PTPRZ1: variants seen among roughly 807,000 people sequenced by gnomAD.
PTPRZ1 encodes receptor-type tyrosine-protein phosphatase zeta.
A neutral mutation model predicts 214.1 loss-of-function variants in PTPRZ1; 82 were observed. The ratio of observed to expected loss-of-function variants is 0.38; its 90% confidence interval spans 0.32 to 0.46. The LOEUF is 0.46. Among genes scored for constraint, PTPRZ1 ranks in the 20% least tolerant of loss-of-function variants. The pLI is 1.00. For synonymous variants in PTPRZ1, 945 were observed against 987.9 expected, an observed-to-expected ratio of 0.96 and a Z score of 0.81; for missense variants, 2,603 against 2,748.7, an observed-to-expected ratio of 0.95 and a Z score of 1.19.
intron 13 of PTPRZ1, among the ~76,000 whole-genome samples, chr7:122,022,913 C>A (rs977311572): frequency 6.6e-6 from 1 of 152,144 alleles, no homozygotes; most frequent in African/African-American, 2.4e-5. Flanking sequence ...ACCCAGAAAT[C>A]TTATGTTTAC....
Position 122,013,286 on chromosome 7 carries a change from G to A in PTPRZ1, c.4240G>A (p.Gly1414Ser), listed in dbSNP as rs1798737015. 2.1e-5 allele frequency: 34 copies of A among 1,611,774 alleles called. No individual in the cohort carries two copies. The highest frequency in any genetic ancestry group is 2.8e-5 in the Non-Finnish European group (33 of 1,179,610). ...TGCCAAATCTGATGCCGGTTTAGTGGGTGGTGGTGAAGATGGTGACACTGA... is the reference window on the plus strand; with the variant it reads ...TGCCAAATCTGATGCCGGTTTAGTGAGTGGTGGTGAAGATGGTGACACTGA... ...HSAKSDAGLVGGGEDGDTDDD... is the reference protein window; with the variant it reads ...HSAKSDAGLVSGGEDGDTDDD... Residue 1414 changes from glycine (G) to serine (S), a missense_variant, in exon 12 of 30, where the codon GGT becomes AGT. Gly to Ser is a moderately conservative substitution (Grantham distance 56). Around this residue, in one of 6 missense-constraint regions of PTPRZ1, gnomAD observed 1,913 missense variants for 1,914.3 expected, o/e 1.00. Transcript: ENST00000393386.
chr7:121,906,203 A>G (rs1195303893), intron 1 of PTPRZ1, among the ~76,000 whole-genome samples: 1 of 152,198 alleles, frequency 6.6e-6, no homozygotes, highest in African/African-American at 2.4e-5. Context: ...ATTATTCCAA[A>G]AGCACAGGAT....
chr7:121,890,511 A>G (rs1470700636), intron 1 of PTPRZ1, among the ~76,000 whole-genome samples: 1 of 152,110 alleles, frequency 6.6e-6, no homozygotes, highest in East Asian at 1.9e-4. Context: ...TCACCATACA[A>G]ATCAGCCAGG....
intron 23 of PTPRZ1, 147 bp downstream of exon 23, chr7:122,044,715 A>AC: frequency 1.3e-6 from 1 of 797,622 alleles, no homozygotes; most frequent in Non-Finnish European, 1.9e-6. Flanking sequence ...ACTGTGGGCT[A>AC]CAGTGCCACA....
rs765048752 is a variant in PTPRZ1, at chr7:122,012,670, G to A, written c.3624G>A (p.Leu1208=). 5 of 1,612,754 alleles carry A rather than the reference G, an allele frequency of 3.1e-6. No homozygotes were observed. The Middle Eastern group carries it at 4.9e-4, about 159-fold the overall frequency. Residue 1208 remains leucine, a synonymous_variant, in exon 12 of 30, where the codon TTG becomes TTA. Coordinates refer to ENST00000393386, the MANE Select transcript of PTPRZ1 (RefSeq NM_002851.3). ...VLPAVPSDPI[L]VETPKVDKIS... ...CAGCTGTGCCCAGTGATCCAATATT[G>A]GTTGAAACCCCCAAAGTTGATAAAA...
At chr7:122,029,632 G>A (rs1456764607) in intron 14 of PTPRZ1, among the ~76,000 whole-genome samples, 5 of 151,892 alleles carry the variant, frequency 3.3e-5, no homozygotes, top group African/African-American at 1.2e-4. Context: ...TCCATTGCTA[G>A]AGGCTCAAGT....
chr7:122,023,752 T>C (rs1412040833), intron 13 of PTPRZ1, among the ~76,000 whole-genome samples: 1 of 136,876 alleles, frequency 7.3e-6, no homozygotes, highest in Non-Finnish European at 1.5e-5. Context: ...TATAATTATA[T>C]ATATAATGTA....
chr7:121,971,984 A>C (rs1212706939), intron 3 of PTPRZ1, among the ~76,000 whole-genome samples: 3 of 152,094 alleles, frequency 2.0e-5, no homozygotes, highest in Non-Finnish European at 4.4e-5. Flanking sequence ...CAAACATGAG[A>C]TGGCCAAAAC....
intron 13 of PTPRZ1, among the ~76,000 whole-genome samples, chr7:122,025,665 A>G (rs1799189173): frequency 6.6e-6 from 1 of 152,122 alleles, no homozygotes; most frequent in Admixed American, 6.6e-5. Flanking sequence ...GTGAATAGAA[A>G]TTTGGGTTAG....
At chr7:122,018,790 T>C (rs1798923655) in intron 12 of PTPRZ1, among the ~76,000 whole-genome samples, 1 of 152,158 alleles carries the variant, frequency 6.6e-6, no homozygotes, top group African/African-American at 2.4e-5. Flanking sequence ...CCATTCTATT[T>C]TAAATCAGTA....
At chr7:122,038,645 A>G (rs1799623177) in intron 18 of PTPRZ1, 110 bp from the exon 19 acceptor site, 1 of 982,026 alleles carries the variant, frequency 1.0e-6, no homozygotes, top group Non-Finnish European at 1.4e-6. Flanking sequence ...TTTATTTTTT[A>G]TGGTTTTCTT....
chr7:122,008,033 C>T (rs1798544933), intron 11 of PTPRZ1, among the ~76,000 whole-genome samples: 1 of 151,930 alleles, frequency 6.6e-6, no homozygotes, highest in African/African-American at 2.4e-5. Context: ...TTATAGAACG[C>T]ATATGTATCT....
chr7:122,037,475 T>A (rs1405794138), intron 18 of PTPRZ1, among the ~76,000 whole-genome samples: 36 of 152,222 alleles, frequency 2.4e-4, no homozygotes, highest in African/African-American at 8.7e-4. Flanking sequence ...TGGAACTTAC[T>A]GGGACTCTCC....
At chr7:122,055,203 AC>A (rs903977407) in intron 27 of PTPRZ1, 116 bp downstream of exon 27, 1 of 760,304 alleles carries the variant, frequency 1.3e-6, no homozygotes, top group African/African-American at 1.8e-5. Context: ...CCCCATTGAG[AC>A]AAATACACAA....
At chr7:121,904,975 C>T (rs1443994883) in intron 1 of PTPRZ1, among the ~76,000 whole-genome samples, 1 of 152,206 alleles carries the variant, frequency 6.6e-6, no homozygotes, top group African/African-American at 2.4e-5. Flanking sequence ...AAAGTAATTA[C>T]GTTTTTGCTG....
At position 121,976,685 on chromosome 7, in the gene PTPRZ1, A is replaced by G. The variant is rs1004244427; in HGVS notation, c.553-100A>G. On this transcript the variant is annotated intron_variant, in intron 5 of 29. Transcript: ENST00000393386. ...TGTTTTTGGAACTTACTATTTTTTA[A>G]TGCACATATTTAAAATGGAATTCAT... The G allele has an allele frequency of 3.2e-6, 3 of 946,802 alleles. No homozygotes were observed. The African/African-American group carries it at 5.1e-5, about 16-fold the overall frequency. The allele number at this position is 946,802 out of a possible 1,614,324, so 58.7% of individuals were successfully genotyped here.
chr7:121,960,788 T>A (rs1796850848), intron 2 of PTPRZ1, among the ~76,000 whole-genome samples: 1 of 152,214 alleles, frequency 6.6e-6, no homozygotes. Context: ...CTTTAGTTTT[T>A]CTTAGTTCAT....
At chr7:122,051,776 A>G (rs1459697248) in intron 24 of PTPRZ1, 90 bp from the exon 25 acceptor site, 6 of 1,195,482 alleles carry the variant, frequency 5.0e-6, no homozygotes, top group African/African-American at 3.1e-5. Flanking sequence ...TACATCTGGC[A>G]TGGGGAAAAG....
chr7:122,011,447 C>T lies in PTPRZ1; in HGVS notation c.2401C>T (p.Pro801Ser). 1 of 1,614,128 alleles carries T rather than the reference C, an allele frequency of 6.2e-7. No individual in the cohort carries two copies. The highest frequency in any genetic ancestry group is 1.7e-5 in the Admixed American group (1 of 60,010). ...DSALHATPVF[P>S]SVDVSFESIL... is the part of the protein sequence containing the mutation. ...GGCCTTGCATGCTACGCCTGTATTT[C>T]CCAGTGTCGATGTGTCATTTGAATC... The change falls in exon 12 of 30, where the codon CCC (proline) becomes TCC (serine). Residue 801 changes from proline (P) to serine (S), a missense_variant. By Grantham distance (74) the Pro-to-Ser change is moderately conservative. Transcript: ENST00000393386.
Sources: allele counts gnomAD v4.1 joint callset (sites outside exome capture counted in the v4.1 genomes callset), GRCh38; gene constraint gnomAD v4.1.1; regional missense constraint gnomAD v4.1.1; transcripts MANE v1.5; gene names NCBI Gene and HGNC (gene_info 2026-07-23, HGNC 2026-07-21).